ANK3: variants seen among roughly 807,000 people sequenced by gnomAD.
ANK3 encodes the protein ankyrin 3, also known as ankyrin-3.
In ANK3, 57 loss-of-function variants were observed where a neutral mutation model predicts 370.9. That is an observed-to-expected ratio of 0.15 (90% confidence interval 0.12 to 0.19). The LOEUF is 0.19. Ranked by LOEUF, ANK3 falls within the 10% of genes least tolerant of loss-of-function variation. ANK3 has a pLI of 1.00. For missense variants in ANK3, 4,439 were observed against 5,302.1 expected (o/e 0.84, Z 5.06); for synonymous variants, 1,929 against 1,946.3 (o/e 0.99, Z 0.23).
At chr10:60,682,138 C>T (rs907095350) in intron 1 of ANK3, among the ~76,000 whole-genome samples, 5 of 152,156 alleles carry the variant, frequency 3.3e-5, no homozygotes, top group Non-Finnish European at 7.3e-5. Flanking sequence ...CACAGCAAGA[C>T]TCTGCCTTTA....
chr10:60,148,037 G>C (rs1182250701), intron 23 of ANK3, among the ~76,000 whole-genome samples: 4 of 152,184 alleles, frequency 2.6e-5, no homozygotes, highest in South Asian at 2.1e-4. Flanking sequence ...CTCATTTTAA[G>C]GGATGCATGT....
intron 1 of ANK3, among the ~76,000 whole-genome samples, chr10:60,645,035 T>A (rs2078692269): frequency 6.6e-6 from 1 of 152,070 alleles, no homozygotes. Context: ...TTTATGAGGC[T>A]TTTATACAAA....
intron 2 of ANK3, among the ~76,000 whole-genome samples, chr10:60,539,409 T>C (rs541483674): frequency 1.3e-5 from 2 of 152,026 alleles, no homozygotes; most frequent in Non-Finnish European, 2.9e-5. Context: ...CTAGGCATTA[T>C]TGAGAGGAAC....
intron 2 of ANK3, among the ~76,000 whole-genome samples, chr10:60,564,477 G>T (rs1024409817): frequency 6.6e-6 from 1 of 152,138 alleles, no homozygotes; most frequent in Non-Finnish European, 1.5e-5. Context: ...CAATGAAACT[G>T]CCGTGTGCTC....
At chr10:60,552,222 T>C (rs1180999031) in intron 2 of ANK3, among the ~76,000 whole-genome samples, 2 of 152,226 alleles carry the variant, frequency 1.3e-5, no homozygotes, top group South Asian at 2.1e-4. Context: ...ATATTCATAT[T>C]CATTTCTTGT....
At position 60,073,028 on chromosome 10, in the gene ANK3, C is replaced by A. The variant is rs769916912; in HGVS notation, c.7853G>T (p.Gly2618Val). 1.2e-6 allele frequency: 2 copies of A among 1,614,076 alleles called. No individual in the cohort carries two copies. Among genetic ancestry groups the A allele is most frequent in the Non-Finnish European group, 1.7e-6 (2 of 1,179,994 alleles). Residue 2618 changes from glycine to valine, a missense_variant, in exon 37 of 44, where the codon GGC becomes GTC. Physicochemically the swap from Gly to Val is moderately radical, Grantham distance 109. Coordinates refer to ENST00000280772, the MANE Select transcript of ANK3 (RefSeq NM_020987.5). ...SPEKKARPKN[G>V]KEYSSQSPTS... ...AGGGCTTTGAGAAGAATATTCTTTG[C>A]CATTTTTAGGGCGTGCCTTTTTCTC...
At chr10:60,516,203 A>G (rs140477437) in intron 2 of ANK3, among the ~76,000 whole-genome samples, 96 of 152,210 alleles carry the variant, frequency 6.3e-4, no homozygotes, top group African/African-American at 2.3e-3. Context: ...TTCCATAACA[A>G]TGAAGATGTA....
intron 7 of ANK3, among the ~76,000 whole-genome samples, chr10:60,255,113 C>A (rs2097716896): frequency 6.6e-6 from 1 of 151,978 alleles, no homozygotes; most frequent in South Asian, 2.1e-4. Context: ...GTGTAAAATG[C>A]CTAATAAAGA....
Position 60,030,364 on chromosome 10 carries a change from G to C in ANK3, c.*20-538C>G, listed in dbSNP as rs183865824. Among the ~76,000 whole-genome samples, 15 of 152,046 alleles carry C rather than the reference G, an allele frequency of 9.9e-5. 1 individual carries two copies. The highest frequency in any genetic ancestry group is 4.2e-4 in the South Asian group (2 of 4,806). On this transcript the variant is annotated intron_variant, in intron 43 of 43. Transcript: ENST00000280772. ...TCACTATGTTAGTCAGGATGGTCTC[G>C]ATCTCCTGACCTCGTGAGCCGCCCA... is the stretch of plus-strand genomic sequence containing the variant.
intron 1 of ANK3, among the ~76,000 whole-genome samples, chr10:60,690,969 T>C (rs1315778491): frequency 6.6e-6 from 1 of 152,228 alleles, no homozygotes; most frequent in Non-Finnish European, 1.5e-5. Context: ...TAGACCACTA[T>C]TTTTTAACTC....
At chr10:60,145,226 C>T (rs1291883342) in intron 23 of ANK3, among the ~76,000 whole-genome samples, 1 of 152,068 alleles carries the variant, frequency 6.6e-6, no homozygotes, top group African/African-American at 2.4e-5. Flanking sequence ...TACAACCCTG[C>T]AAATTACATG....
In ANK3 at chr10:60,495,048, C is replaced by T. The variant is rs149649266; in HGVS notation, c.96+120138G>A. On this transcript the variant is annotated intron_variant, in intron 2 of 43. Coordinates refer to the ANK3 transcript ENST00000373827. ...CAGAAGGCAAGCCAGAACATGTCAT[C>T]GCTCATCACTCATTCTTTTGTAAAA... 3.2e-3 allele frequency among the ~76,000 whole-genome samples: 488 copies of T among 152,266 alleles called. 2 individuals are homozygous for T. The highest frequency in any genetic ancestry group is 0.011 in the African/African-American group (455 of 41,564).
At chr10:60,114,964 G>T (rs905079000) in intron 25 of ANK3, among the ~76,000 whole-genome samples, 1 of 152,148 alleles carries the variant, frequency 6.6e-6, no homozygotes, top group African/African-American at 2.4e-5. Flanking sequence ...ACCTACAGGG[G>T]TCACTGTTGT....
chr10:60,664,898 T>A (rs911519966), intron 1 of ANK3, among the ~76,000 whole-genome samples: 2 of 152,230 alleles, frequency 1.3e-5, no homozygotes, highest in Non-Finnish European at 2.9e-5. Flanking sequence ...GGATTTAAAT[T>A]GCTTTTATAT....
intron 2 of ANK3, among the ~76,000 whole-genome samples, chr10:60,481,083 T>G (rs1029940111): frequency 2.6e-5 from 4 of 152,192 alleles, no homozygotes; most frequent in Non-Finnish European, 4.4e-5. Context: ...AATCTCTGAC[T>G]GAGTAAACAT....
intron 26 of ANK3, among the ~76,000 whole-genome samples, chr10:60,113,107 C>T (rs1031425935): frequency 6.6e-6 from 1 of 152,042 alleles, no homozygotes; most frequent in African/African-American, 2.4e-5. Context: ...CCTCCTGCCT[C>T]GAATTCCATT....
intron 2 of ANK3, among the ~76,000 whole-genome samples, chr10:60,454,016 G>A (rs1567053786): frequency 6.6e-6 from 1 of 152,124 alleles, no homozygotes; most frequent in Non-Finnish European, 1.5e-5. Flanking sequence ...CAAACAGCTG[G>A]CATATTTTTT....
rs567562595 is a variant in ANK3 at position 60,319,422 on chromosome 10, C to G, written c.115-39783G>C. On this transcript the variant is annotated intron_variant, in intron 1 of 43. Coordinates refer to ENST00000280772, the MANE Select transcript of ANK3 (RefSeq NM_020987.5). ...TGTTCTCATTAACGTAGTCTCCCATCATGACAACAGTAATAAGACAACACG... is the reference window on the plus strand; with the variant it reads ...TGTTCTCATTAACGTAGTCTCCCATGATGACAACAGTAATAAGACAACACG... Among the ~76,000 whole-genome samples the G allele has an allele frequency of 7.2e-5, 11 of 152,298 alleles. No homozygotes were observed. The South Asian group carries it at 1.5e-3, about 20-fold the overall frequency.
chr10:60,275,720 C>A (rs2098080719), intron 4 of ANK3, among the ~76,000 whole-genome samples: 1 of 152,144 alleles, frequency 6.6e-6, no homozygotes, highest in Non-Finnish European at 1.5e-5. Context: ...ACTGGCTAAC[C>A]TAAAGGGTCT....
Sources: gnomAD v4.1 joint callset for allele counts (sites outside exome capture counted in the v4.1 genomes callset) on GRCh38, gnomAD v4.1.1 for gene constraint, MANE v1.5 for transcripts, NCBI Gene and HGNC (gene_info 2026-07-23, HGNC 2026-07-21) for gene names.